The following FMNL2 variants were observed in gnomAD, a reference collection of about 807,000 sequenced individuals.
FMNL2 encodes formin-like protein 2.
A neutral mutation model predicts 130.2 loss-of-function variants in FMNL2; 51 were observed. That is an observed-to-expected ratio of 0.39 (90% confidence interval 0.31 to 0.49). The LOEUF (loss-of-function observed/expected upper bound fraction) is 0.49, where lower values mean the gene tolerates loss of function less well. Ranked by LOEUF, FMNL2 falls within the 20% of genes least tolerant of loss-of-function variation. FMNL2 has a pLI of 0.85. For synonymous variants in FMNL2, 465 were observed against 467.1 expected, an observed-to-expected ratio of 1.00 and a Z score of 0.06; for missense variants, 977 against 1,316.2, an observed-to-expected ratio of 0.74 and a Z score of 3.99.
chr2:152,364,397 T>C (rs921501956), intron 1 of FMNL2, among the ~76,000 whole-genome samples: 1 of 150,968 alleles, frequency 6.6e-6, no homozygotes, highest in South Asian at 2.1e-4. Flanking sequence ...AAGGGGTGAA[T>C]GAAAAGAAAA....
At chr2:152,560,553 A>T (rs1029979271) in intron 5 of FMNL2, among the ~76,000 whole-genome samples, 7 of 152,222 alleles carry the variant, frequency 4.6e-5, no homozygotes, top group Non-Finnish European at 7.3e-5. Flanking sequence ...CAGCTGTAAG[A>T]TCTTTTCCCC....
intron 4 of FMNL2, among the ~76,000 whole-genome samples, chr2:152,554,947 C>T (rs1489196498): frequency 6.6e-6 from 1 of 152,142 alleles, no homozygotes; most frequent in African/African-American, 2.4e-5. Context: ...TGTTTTGTCA[C>T]ACTGAAAATG....
At chr2:152,497,809 T>G (rs532431544) in intron 1 of FMNL2, among the ~76,000 whole-genome samples, 51 of 152,348 alleles carry the variant, frequency 3.3e-4, no homozygotes, top group African/African-American at 1.1e-3. Context: ...TCTGCTTTTC[T>G]GCTCAGACTC....
chr2:152,445,615 A>G (rs1159561945), intron 1 of FMNL2, among the ~76,000 whole-genome samples: 2 of 152,204 alleles, frequency 1.3e-5, no homozygotes, highest in African/African-American at 4.8e-5. Context: ...ATGCATCAGA[A>G]TCAACTGGAG....
chr2:152,510,328 T>G (rs565920017), intron 1 of FMNL2, among the ~76,000 whole-genome samples: 26 of 152,346 alleles, frequency 1.7e-4, no homozygotes, highest in African/African-American at 6.0e-4. Context: ...GTACTGTGGC[T>G]GTAAAGAGGA....
chr2:152,385,888 G>C (rs969294881), intron 1 of FMNL2, among the ~76,000 whole-genome samples: 1 of 152,142 alleles, frequency 6.6e-6, no homozygotes, highest in Non-Finnish European at 1.5e-5. Context: ...AAATGCTTGA[G>C]CAGGTTGGCT....
chr2:152,573,794 CA>C (rs1157185930), intron 6 of FMNL2, among the ~76,000 whole-genome samples: 3 of 152,126 alleles, frequency 2.0e-5, no homozygotes, highest in Non-Finnish European at 4.4e-5. Flanking sequence ...GCATAGAATA[CA>C]ACTAATAAAC....
intron 4 of FMNL2, among the ~76,000 whole-genome samples, chr2:152,558,413 A>G (rs571691556): frequency 2.2e-4 from 34 of 152,310 alleles, no homozygotes; most frequent in African/African-American, 7.0e-4. Flanking sequence ...CTGTAGATCA[A>G]TTGTGGTGGA....
At chr2:152,636,882 C>T (rs1331556709) in intron 22 of FMNL2, among the ~76,000 whole-genome samples, 4 of 152,246 alleles carry the variant, frequency 2.6e-5, no homozygotes, top group African/African-American at 4.8e-5. Flanking sequence ...AGCCCACATG[C>T]GTCAGGCCTG....
At chr2:152,411,713 C>T (rs1250640526) in intron 1 of FMNL2, among the ~76,000 whole-genome samples, 1 of 152,208 alleles carries the variant, frequency 6.6e-6, no homozygotes, top group Non-Finnish European at 1.5e-5. Flanking sequence ...CCATTTCACT[C>T]CCATTAAATC....
At chr2:152,426,296 G>A (rs980022055) in intron 1 of FMNL2, among the ~76,000 whole-genome samples, 1 of 152,158 alleles carries the variant, frequency 6.6e-6, no homozygotes, top group Non-Finnish European at 1.5e-5. Flanking sequence ...GTCAGACAGG[G>A]TACTTGTGTA....
At chr2:152,497,353 T>C (rs1255073297) in intron 1 of FMNL2, among the ~76,000 whole-genome samples, 1 of 152,234 alleles carries the variant, frequency 6.6e-6, no homozygotes, top group African/African-American at 2.4e-5. Context: ...AGTACTGTTT[T>C]CTAAAGTTAT....
At chr2:152,384,739 G>A (rs1684688483) in intron 1 of FMNL2, among the ~76,000 whole-genome samples, 1 of 152,124 alleles carries the variant, frequency 6.6e-6, no homozygotes, top group South Asian at 2.1e-4. Flanking sequence ...GGAATGCAAG[G>A]GCTTCTGGTG....
chr2:152,475,793 C>T (rs911378302), intron 1 of FMNL2, among the ~76,000 whole-genome samples: 1 of 152,140 alleles, frequency 6.6e-6, no homozygotes, highest in East Asian at 1.9e-4. Flanking sequence ...GCCACCGCGC[C>T]TGGCCAAGAA....
intron 1 of FMNL2, among the ~76,000 whole-genome samples, chr2:152,385,478 A>G (rs1055970657): frequency 2.6e-5 from 4 of 152,356 alleles, no homozygotes; most frequent in Admixed American, 6.5e-5. Flanking sequence ...GCTGAGATCT[A>G]TGGTGGTGGT....
chr2:152,545,188 C>A (rs1247577217), intron 3 of FMNL2, among the ~76,000 whole-genome samples: 2 of 151,904 alleles, frequency 1.3e-5, no homozygotes, highest in African/African-American at 4.8e-5. Flanking sequence ...ATGCTTAAAG[C>A]CTGGAAAAAA....
intron 25 of FMNL2, 147 bp from the exon 26 acceptor site, chr2:152,647,647 CTT>C: frequency 2.8e-6 from 2 of 718,408 alleles, no homozygotes; most frequent in South Asian, 1.6e-5. Context: ...TGTTTTATGT[CTT>C]TGATTCAATG....
chr2:152,568,072 C>T (rs759780052), intron 6 of FMNL2, among the ~76,000 whole-genome samples: 1 of 152,070 alleles, frequency 6.6e-6, no homozygotes, highest in Non-Finnish European at 1.5e-5. Context: ...TATTGAAGCT[C>T]AAGGAGAAAG....
chr2:152,377,001 C>T (rs1298233874), intron 1 of FMNL2, among the ~76,000 whole-genome samples: 1 of 152,192 alleles, frequency 6.6e-6, no homozygotes, highest in Non-Finnish European at 1.5e-5. Context: ...GGTGTGGAAA[C>T]AACCTGCTTT....
Sources: allele counts gnomAD v4.1 joint callset (sites outside exome capture counted in the v4.1 genomes callset), GRCh38; gene constraint gnomAD v4.1.1; transcripts MANE v1.5; gene names NCBI Gene and HGNC (gene_info 2026-07-23, HGNC 2026-07-21).